The following ECT2L variants were observed in gnomAD, a reference collection of about 807,000 sequenced individuals.
ECT2L encodes epithelial cell transforming 2 like.
A neutral mutation model predicts 122.8 loss-of-function variants in ECT2L; 126 were observed. The ratio of observed to expected loss-of-function variants is 1.03; its 90% CI spans 0.89 to 1.19. The LOEUF (loss-of-function observed/expected upper bound fraction) is 1.19, where lower values mean the gene tolerates loss of function less well. Ranked by LOEUF, ECT2L falls within the 50% of genes most tolerant of loss-of-function variation. ECT2L has a pLI of 0.00. For missense variants in ECT2L, 1,012 were observed against 1,064.1 expected, an observed-to-expected ratio of 0.95 and a Z score of 0.68; for synonymous variants, 385 against 381.8, an observed-to-expected ratio of 1.01 and a Z score of -0.10.
intron 1 of ECT2L, among the ~76,000 whole-genome samples, chr6:138,803,087 A>T (rs9321675): frequency 0.29 from 43,175 of 150,214 alleles, 6,741 homozygotes; most frequent in Admixed American, 0.4. Context: ...AAAAAAAAAA[A>T]AATAATAATG....
At chr6:138,828,333 G>T (rs1436475799) in intron 4 of ECT2L, among the ~76,000 whole-genome samples, 2 of 152,134 alleles carry the variant, frequency 1.3e-5, no homozygotes, top group Non-Finnish European at 2.9e-5. Flanking sequence ...TTCTTTCAAT[G>T]TATAGGTTTT....
chr6:138,863,629 GAGAC>G (rs1777918116), intron 11 of ECT2L, among the ~76,000 whole-genome samples: 1 of 136,398 alleles, frequency 7.3e-6, no homozygotes, highest in South Asian at 2.3e-4. Context: ...TTTTTTTTTT[GAGAC>G]AGAGTCTCAC....
chr6:138,815,974 A>C (rs1776054835), intron 4 of ECT2L, among the ~76,000 whole-genome samples: 1 of 152,196 alleles, frequency 6.6e-6, no homozygotes, highest in African/African-American at 2.4e-5. Flanking sequence ...CTCCCCATGG[A>C]GTCACTGGAA....
At chr6:138,806,765 G>C (rs9403002) in intron 1 of ECT2L, among the ~76,000 whole-genome samples, 1 of 151,426 alleles carries the variant, frequency 6.6e-6, no homozygotes, top group Non-Finnish European at 1.5e-5. Flanking sequence ...CACCCACCTC[G>C]GCCTCCCAAA....
intron 18 of ECT2L, 29 bp from the exon 19 acceptor site, chr6:138,886,827 GT>G: frequency 6.5e-7 from 1 of 1,535,410 alleles, no homozygotes; most frequent in Non-Finnish European, 9.0e-7. Context: ...CACAATTTTA[GT>G]TTGCCTAAAA....
chr6:138,893,180 T>G (rs1046683072), intron 20 of ECT2L, among the ~76,000 whole-genome samples: 21 of 146,122 alleles, frequency 1.4e-4, no homozygotes, highest in African/African-American at 5.0e-4. Context: ...TTTTGTTTTT[T>G]TTTTGTTTTT....
chr6:138,882,338 T>C (rs960714633), intron 15 of ECT2L, among the ~76,000 whole-genome samples: 17 of 152,226 alleles, frequency 1.1e-4, no homozygotes, highest in African/African-American at 3.9e-4. Flanking sequence ...TCTGGGGAAC[T>C]GAGCTAAGCA....
At chr6:138,868,326 AT>A in intron 13 of ECT2L, 120 bp downstream of exon 13, 1 of 750,624 alleles carries the variant, frequency 1.3e-6, no homozygotes, top group Non-Finnish European at 2.1e-6. Context: ...CCTCAGAGAA[AT>A]TACATCAGTT....
intron 10 of ECT2L, among the ~76,000 whole-genome samples, chr6:138,855,333 C>T (rs1295127548): frequency 6.6e-6 from 1 of 151,932 alleles, no homozygotes; most frequent in Admixed American, 6.6e-5. Flanking sequence ...CATGGCAAAA[C>T]CCCATCTCTA....
rs367784800 is a variant in ECT2L at position 138,894,453 on chromosome 6, T to C, written c.2414+5422T>C. On this transcript the variant is annotated intron_variant, in intron 20 of 21. Transcript: ENST00000541398. ...AGTACTTGGACAAATGAAAATACTTTGAAGATTTAGGATAATCCAAAATCA... is the reference window on the plus strand; with the variant it reads ...AGTACTTGGACAAATGAAAATACTTCGAAGATTTAGGATAATCCAAAATCA... 4.4e-4 allele frequency among the ~76,000 whole-genome samples: 67 copies of C among 152,328 alleles called. No homozygotes were observed. The South Asian group carries it at 0.013, about 30-fold the overall frequency.
chr6:138,822,443 T>C (rs62440912), intron 4 of ECT2L, among the ~76,000 whole-genome samples: 17,183 of 152,066 alleles, frequency 0.11, 1,362 homozygotes, highest in East Asian at 0.27. Context: ...TGGTCCCAGC[T>C]ACTTAGGAGG....
intron 9 of ECT2L, among the ~76,000 whole-genome samples, chr6:138,853,494 CA>C (rs907875775): frequency 6.6e-6 from 1 of 152,106 alleles, no homozygotes; most frequent in Non-Finnish European, 1.5e-5. Flanking sequence ...TTCATTTCAT[CA>C]CCGGAGCCTG....
At chr6:138,863,937 C>T (rs1345325696) in intron 11 of ECT2L, among the ~76,000 whole-genome samples, 1 of 147,360 alleles carries the variant, frequency 6.8e-6, no homozygotes, top group African/African-American at 2.5e-5. Flanking sequence ...TCTTTTTCTC[C>T]TCCTCTGCCT....
At chr6:138,884,047 G>A (rs887196972) in intron 16 of ECT2L, among the ~76,000 whole-genome samples, 2 of 152,138 alleles carry the variant, frequency 1.3e-5, no homozygotes. Context: ...TGTATTTTTT[G>A]TAGAGACGGA....
At chr6:138,825,794 C>G (rs1776427547) in intron 4 of ECT2L, among the ~76,000 whole-genome samples, 1 of 152,160 alleles carries the variant, frequency 6.6e-6, no homozygotes, top group Admixed American at 6.5e-5. Flanking sequence ...TCTAGTTTTG[C>G]TCTCTAGTCC....
chr6:138,884,435 C>T (rs1455615035), intron 16 of ECT2L, among the ~76,000 whole-genome samples: 3 of 151,870 alleles, frequency 2.0e-5, no homozygotes, highest in East Asian at 1.9e-4. Context: ...GTCAGGAGTT[C>T]GAGACCAGCC....
intron 4 of ECT2L, among the ~76,000 whole-genome samples, chr6:138,817,792 T>G (rs1318272763): frequency 6.6e-6 from 1 of 152,196 alleles, no homozygotes; most frequent in Non-Finnish European, 1.5e-5. Flanking sequence ...AAATGTCCCT[T>G]CTCCTGGGAA....
intron 8 of ECT2L, among the ~76,000 whole-genome samples, chr6:138,847,866 C>T (rs1447400475): frequency 6.6e-6 from 1 of 152,094 alleles, no homozygotes; most frequent in African/African-American, 2.4e-5. Context: ...TCTCACACTG[C>T]TATAAAAAAT....
chr6:138,864,988 C>G lies in ECT2L; in HGVS notation c.1292-8C>G. ...GCCTGCAATAATAACAGAAGAAAAT[C>G]ATGTCAGTTCTTAGTGATTGGCTGG... is the stretch of plus-strand genomic sequence containing the variant. On this transcript the variant is annotated splice_region_variant and splice_polypyrimidine_tract_variant and intron_variant, in intron 11 of 21. Coordinates refer to ENST00000541398, the MANE Select transcript of ECT2L (RefSeq NM_001077706.3). The G allele has an allele frequency of 6.2e-7, 1 of 1,604,736 alleles. No homozygotes were observed. Among genetic ancestry groups the G allele is most frequent in the South Asian group, 1.1e-5 (1 of 90,380 alleles).
Sources: gnomAD v4.1 joint callset for allele counts (sites outside exome capture counted in the v4.1 genomes callset) on GRCh38, gnomAD v4.1.1 for gene constraint, MANE v1.5 for transcripts, NCBI Gene and HGNC (gene_info 2026-07-23, HGNC 2026-07-21) for gene names.